Variants in RGS7 observed in about 807,000 individuals in gnomAD.
RGS7 encodes regulator of G protein signaling 7.
Under a neutral mutation model 81.1 loss-of-function variants are expected in RGS7, and 27 were observed. The ratio of observed to expected loss-of-function variants is 0.33; its 90% CI spans 0.25 to 0.46. The LOEUF (loss-of-function observed/expected upper bound fraction) is 0.46, where lower values mean the gene tolerates loss of function less well. RGS7 is among the 20% of genes least tolerant of loss of function. The pLI is 1.00. For synonymous variants in RGS7, 208 were observed against 207.7 expected, an observed-to-expected ratio of 1.00 and a Z score of -0.01; for missense variants, 396 against 607.4, an observed-to-expected ratio of 0.65 and a Z score of 3.66.
chr1:240,963,358 G>A (rs1222237487), intron 4 of RGS7, among the ~76,000 whole-genome samples: 1 of 152,144 alleles, frequency 6.6e-6, no homozygotes, highest in Non-Finnish European at 1.5e-5. Context: ...CCAACAATGG[G>A]CAAAATAAGG....
At chr1:241,245,922 G>C (rs2076510883) in intron 2 of RGS7, among the ~76,000 whole-genome samples, 1 of 151,894 alleles carries the variant, frequency 6.6e-6, no homozygotes, top group Admixed American at 6.6e-5. Context: ...GGCTAACATG[G>C]TGAAACCCCG....
chr1:241,013,893 G>A (rs571969994), intron 3 of RGS7, among the ~76,000 whole-genome samples: 4 of 152,258 alleles, frequency 2.6e-5, no homozygotes, highest in African/African-American at 7.2e-5. Flanking sequence ...AGGTAATGTC[G>A]CTCCCAAGAG....
intron 6 of RGS7, among the ~76,000 whole-genome samples, chr1:240,871,725 G>C (rs1167451246): frequency 1.3e-5 from 2 of 152,160 alleles, no homozygotes; most frequent in Non-Finnish European, 2.9e-5. Context: ...AATGTTCTAA[G>C]CAGTTGTAAA....
intron 9 of RGS7, among the ~76,000 whole-genome samples, chr1:240,838,503 A>G (rs1199333065): frequency 1.3e-5 from 2 of 152,228 alleles, no homozygotes; most frequent in African/African-American, 4.8e-5. Context: ...ATTAATTTCA[A>G]AGATATACTC....
chr1:241,145,200 T>TAG (rs935026532), intron 2 of RGS7, among the ~76,000 whole-genome samples: 32 of 152,142 alleles, frequency 2.1e-4, no homozygotes, highest in Middle Eastern at 3.4e-3. Flanking sequence ...GTATTTTTAG[T>TAG]AGAGACGGGG....
chr1:240,994,082 T>C (rs1686919677), intron 3 of RGS7, among the ~76,000 whole-genome samples: 1 of 152,234 alleles, frequency 6.6e-6, no homozygotes, highest in African/African-American at 2.4e-5. Context: ...ACCACAGTTA[T>C]ATAATGTCTT....
intron 2 of RGS7, among the ~76,000 whole-genome samples, chr1:241,251,970 A>C (rs2148218811): frequency 6.6e-6 from 1 of 152,092 alleles, no homozygotes; most frequent in South Asian, 2.1e-4. Flanking sequence ...GGAGCCTCGG[A>C]GTCCAAGCGT....
chr1:241,098,986 A>G (rs2064509574), intron 2 of RGS7, among the ~76,000 whole-genome samples: 1 of 152,266 alleles, frequency 6.6e-6, no homozygotes, highest in Non-Finnish European at 1.5e-5. Flanking sequence ...TACCAATAGG[A>G]ATTTTGTGCT....
intron 4 of RGS7, among the ~76,000 whole-genome samples, chr1:240,969,067 C>A (rs1181326603): frequency 6.6e-6 from 1 of 152,162 alleles, no homozygotes; most frequent in Non-Finnish European, 1.5e-5. Context: ...ATTTCTCTGT[C>A]ATTTTCTGAG....
At chr1:240,983,230 C>A (rs1434502726) in intron 3 of RGS7, 101 bp from the exon 4 acceptor site, 3 of 626,750 alleles carry the variant, frequency 4.8e-6, no homozygotes, top group Admixed American at 3.1e-5. Context: ...TTAGAAGGAA[C>A]TTTTCTAATT....
intron 2 of RGS7, among the ~76,000 whole-genome samples, chr1:241,313,369 T>C (rs1026733282): frequency 7.2e-5 from 11 of 152,348 alleles, no homozygotes; most frequent in African/African-American, 2.6e-4. Context: ...ACAGGCTGAC[T>C]CTCTTGGTAG....
chr1:240,862,990 T>G (rs1662516153), intron 9 of RGS7, among the ~76,000 whole-genome samples: 1 of 151,808 alleles, frequency 6.6e-6, no homozygotes, highest in Non-Finnish European at 1.5e-5. Context: ...GGTTTCACTC[T>G]GCTACCTAGG....
intron 2 of RGS7, among the ~76,000 whole-genome samples, chr1:241,209,353 G>T (rs760625023): frequency 4.3e-4 from 66 of 152,240 alleles, no homozygotes; most frequent in Non-Finnish European, 1.0e-4. Flanking sequence ...TTAACAAACC[G>T]CGAGCTTACC....
intron 13 of RGS7, among the ~76,000 whole-genome samples, chr1:240,812,246 A>G (rs980321353): frequency 1.3e-5 from 2 of 152,146 alleles, no homozygotes; most frequent in African/African-American, 2.4e-5. Context: ...TTTATTGAGC[A>G]TTATGTGCCA....
intron 4 of RGS7, 148 bp downstream of exon 4, chr1:240,982,931 T>C (rs1685136469): frequency 1.7e-6 from 1 of 573,520 alleles, no homozygotes; most frequent in East Asian, 2.9e-5. Flanking sequence ...TACCATAAAA[T>C]TTATATAAAT....
intron 6 of RGS7, among the ~76,000 whole-genome samples, chr1:240,917,999 A>T (rs1038061845): frequency 6.6e-6 from 1 of 152,210 alleles, no homozygotes; most frequent in Non-Finnish European, 1.5e-5. Context: ...AACATTTTTC[A>T]GGGATAAATT....
intron 2 of RGS7, among the ~76,000 whole-genome samples, chr1:241,285,470 C>A (rs1324913854): frequency 6.6e-6 from 1 of 152,150 alleles, no homozygotes; most frequent in Admixed American, 6.5e-5. Flanking sequence ...GGACGCTATT[C>A]CTACTCCATC....
chr1:241,211,051 G>A (rs944095854), intron 2 of RGS7, among the ~76,000 whole-genome samples: 1 of 152,180 alleles, frequency 6.6e-6, no homozygotes, highest in South Asian at 2.1e-4. Context: ...TTGGGAGGAC[G>A]AGAAGGATGG....
At chr1:240,831,179 G>T (rs1250417186) in intron 9 of RGS7, among the ~76,000 whole-genome samples, 1 of 152,116 alleles carries the variant, frequency 6.6e-6, no homozygotes, top group Non-Finnish European at 1.5e-5. Context: ...TGGGATGCTT[G>T]TCTCGGAGGC....
Sources: gnomAD v4.1 joint callset for allele counts (sites outside exome capture counted in the v4.1 genomes callset) on GRCh38, gnomAD v4.1.1 for gene constraint, MANE v1.5 for transcripts, NCBI Gene and HGNC (gene_info 2026-07-23, HGNC 2026-07-21) for gene names.